COL25A1: variants seen among roughly 807,000 people sequenced by gnomAD.
COL25A1 encodes collagen alpha-1(XXV) chain.
In COL25A1, 103 loss-of-function variants were observed where a neutral mutation model predicts 128.4. That is an observed-to-expected ratio of 0.80 (90% CI 0.68 to 0.94). COL25A1 has a LOEUF of 0.94. Ranked by LOEUF, COL25A1 falls within the 40% of genes least tolerant of loss-of-function variation. COL25A1 has a pLI of 0.00. For synonymous variants in COL25A1, 279 were observed against 277.2 expected, an observed-to-expected ratio of 1.01 and a Z score of -0.06; for missense variants, 745 against 840.0, an observed-to-expected ratio of 0.89 and a Z score of 1.40.
At position 108,994,843 on chromosome 4, in the gene COL25A1, C is replaced by T. The variant is rs551886485; in HGVS notation, c.438+15515G>A. 1.4e-3 allele frequency among the ~76,000 whole-genome samples: 216 copies of T among 152,282 alleles called. 1 individual carries two copies. The highest frequency in any genetic ancestry group is 4.9e-3 in the African/African-American group (204 of 41,562). On this transcript the variant is annotated intron_variant, in intron 6 of 37. Coordinates refer to ENST00000399132, the MANE Select transcript of COL25A1 (RefSeq NM_198721.4). Reference sequence around the variant, plus strand: ...CAGGCAAACAGGGTCTGGAGTGGACCTCCAGCAAACTCCAACAGACCTGCA... The same window carrying T: ...CAGGCAAACAGGGTCTGGAGTGGACTTCCAGCAAACTCCAACAGACCTGCA...
chr4:109,216,558 T>C (rs535465847), intron 3 of COL25A1, among the ~76,000 whole-genome samples: 95 of 152,088 alleles, frequency 6.2e-4, no homozygotes, highest in African/African-American at 1.9e-3. Flanking sequence ...GAAAAGAGAC[T>C]CAGACACACA....
chr4:109,075,407 T>C (rs1326325448), intron 3 of COL25A1, among the ~76,000 whole-genome samples: 2 of 152,088 alleles, frequency 1.3e-5, no homozygotes, highest in African/African-American at 2.4e-5. Flanking sequence ...TAAGTTATTC[T>C]ATATACTTGG....
chr4:109,250,897 T>A (rs1249320014), intron 3 of COL25A1, among the ~76,000 whole-genome samples: 1 of 152,150 alleles, frequency 6.6e-6, no homozygotes, highest in Non-Finnish European at 1.5e-5. Context: ...AATCTCCAAT[T>A]AAAGACAATA....
intron 3 of COL25A1, among the ~76,000 whole-genome samples, chr4:109,122,462 T>TGAGGGGAATCGAGGGGAGAA (rs1217487586): frequency 6.6e-6 from 1 of 151,730 alleles, no homozygotes; most frequent in Non-Finnish European, 1.5e-5. Context: ...AGGAAGGAAG[T>TGAGGGGAATCGAGGGGAGAA]GAGGGGAATC....
intron 2 of COL25A1, among the ~76,000 whole-genome samples, chr4:109,301,115 T>C (rs960990629): frequency 3.3e-5 from 5 of 152,044 alleles, no homozygotes; most frequent in African/African-American, 1.2e-4. Flanking sequence ...AAAGGTACCC[T>C]TACACATAAC....
intron 6 of COL25A1, among the ~76,000 whole-genome samples, chr4:108,982,901 C>T (rs528746679): frequency 9.9e-5 from 15 of 152,116 alleles, no homozygotes; most frequent in African/African-American, 3.4e-4. Context: ...AAAGCAGCTG[C>T]CATAAGGAAG....
chr4:109,156,580 T>C (rs1018798162), intron 3 of COL25A1, among the ~76,000 whole-genome samples: 4 of 152,206 alleles, frequency 2.6e-5, no homozygotes, highest in Admixed American at 2.0e-4. Flanking sequence ...GATGTTGCTA[T>C]TGCTACATCA....
chr4:108,979,045 A>C (rs2125994140), intron 6 of COL25A1, among the ~76,000 whole-genome samples: 1 of 152,342 alleles, frequency 6.6e-6, no homozygotes, highest in South Asian at 2.1e-4. Flanking sequence ...TGTTGTTAGT[A>C]ATTAGAAGAT....
intron 3 of COL25A1, among the ~76,000 whole-genome samples, chr4:109,299,468 G>C (rs1725304928): frequency 6.6e-6 from 1 of 152,108 alleles, no homozygotes; most frequent in Non-Finnish European, 1.5e-5. Flanking sequence ...AATATAAATA[G>C]TAAAATTTGT....
In COL25A1 at chr4:109,302,020, C is replaced by A. The variant is rs750532650; in HGVS notation, c.-1G>T. 6.3e-7 allele frequency: 1 copy of A among 1,582,210 alleles called. No homozygotes were observed. Among genetic ancestry groups the A allele is most frequent in the Admixed American group, 1.7e-5 (1 of 57,880 alleles). Reference sequence around the variant, plus strand: ...TCCCTGCGTGCTTCTTCAGCAGCATCGTGGCGGGGTCGGCCGTCTCGGCTT... The same window carrying A: ...TCCCTGCGTGCTTCTTCAGCAGCATAGTGGCGGGGTCGGCCGTCTCGGCTT... On this transcript the variant is annotated 5_prime_UTR_variant, in exon 2 of 38. Coordinates refer to ENST00000399132, the MANE Select transcript of COL25A1 (RefSeq NM_198721.4).
intron 13 of COL25A1, among the ~76,000 whole-genome samples, chr4:108,904,732 T>C (rs4956221): frequency 0.47 from 71,687 of 151,852 alleles, 19,168 homozygotes; most frequent in East Asian, 0.93. Context: ...ATTCCATAGA[T>C]GGTAATGAAG....
At chr4:109,124,357 G>T (rs1768389151) in intron 3 of COL25A1, among the ~76,000 whole-genome samples, 1 of 151,932 alleles carries the variant, frequency 6.6e-6, no homozygotes, top group South Asian at 2.1e-4. Context: ...CTCAGAGAAG[G>T]CTAGACATTA....
At chr4:109,225,128 G>T in intron 3 of COL25A1, among the ~76,000 whole-genome samples, 1 of 152,016 alleles carries the variant, frequency 6.6e-6, no homozygotes, top group East Asian at 1.9e-4. Context: ...CTCTCATGAG[G>T]GTTAGACTTT....
At chr4:109,242,260 A>G (rs890820343) in intron 3 of COL25A1, among the ~76,000 whole-genome samples, 21 of 152,042 alleles carry the variant, frequency 1.4e-4, no homozygotes, top group Admixed American at 5.9e-4. Flanking sequence ...CAATTCCACT[A>G]ACAATTTTTC....
chr4:109,171,089 T>A (rs1305778897), intron 3 of COL25A1, among the ~76,000 whole-genome samples: 1 of 152,120 alleles, frequency 6.6e-6, no homozygotes, highest in African/African-American at 2.4e-5. Flanking sequence ...CAAGACCTGT[T>A]ATCCATTGAA....
At chr4:109,013,484 C>CCACACTGTGTAGGCTGTGTTCTT (rs1756876693) in intron 5 of COL25A1, among the ~76,000 whole-genome samples, 1 of 151,080 alleles carries the variant, frequency 6.6e-6, no homozygotes, top group African/African-American at 2.4e-5. Context: ...GAGTCCCCTT[C>CCACACTGTGTAGGCTGTGTTCTT]CACACTGTGT....
intron 3 of COL25A1, among the ~76,000 whole-genome samples, chr4:109,154,968 C>T (rs567586083): frequency 6.6e-6 from 1 of 152,252 alleles, no homozygotes; most frequent in Admixed American, 6.5e-5. Context: ...TACACCCTCC[C>T]TAGCTTCCCT....
chr4:108,988,602 G>C (rs1454849751), intron 6 of COL25A1, among the ~76,000 whole-genome samples: 1 of 152,080 alleles, frequency 6.6e-6, no homozygotes, highest in Admixed American at 6.6e-5. Flanking sequence ...TACATTTTTG[G>C]CTCCTGTTTC....
At chr4:109,115,214 G>A (rs1328507073) in intron 3 of COL25A1, among the ~76,000 whole-genome samples, 2 of 151,978 alleles carry the variant, frequency 1.3e-5, no homozygotes, top group Non-Finnish European at 2.9e-5. Context: ...TAGGGGATTT[G>A]CCTAAACACA....
Sources: allele counts gnomAD v4.1 joint callset (sites outside exome capture counted in the v4.1 genomes callset), GRCh38; gene constraint gnomAD v4.1.1; transcripts MANE v1.5; gene names NCBI Gene and HGNC (gene_info 2026-07-23, HGNC 2026-07-21).